The following NRXN1 variants were observed in gnomAD, a reference collection of about 807,000 sequenced individuals.
NRXN1 encodes the protein neurexin-1.
A neutral mutation model predicts 150.9 loss-of-function variants in NRXN1; 39 were observed. That is an observed-to-expected ratio of 0.26 (90% CI 0.20 to 0.34). The LOEUF is 0.34. NRXN1 is among the 10% of genes least tolerant of loss of function. The pLI, the probability that NRXN1 is intolerant of heterozygous loss-of-function variation, is 1.00. For missense variants in NRXN1, 1,815 were observed against 1,949.9 expected, an observed-to-expected ratio of 0.93 and a Z score of 1.30; for synonymous variants, 924 against 757.0, an observed-to-expected ratio of 1.22 and a Z score of -3.62.
At chr2:50,278,715 A>G (rs1356202870) in intron 17 of NRXN1, among the ~76,000 whole-genome samples, 1 of 152,168 alleles carries the variant, frequency 6.6e-6, no homozygotes, top group Non-Finnish European at 1.5e-5. Context: ...GAACCCCTTT[A>G]TGTCCAAAAC....
intron 5 of NRXN1, among the ~76,000 whole-genome samples, chr2:50,823,439 A>G (rs890657247): frequency 4.6e-5 from 7 of 152,166 alleles, no homozygotes; most frequent in Admixed American, 1.3e-4. Context: ...TGCTTTACAA[A>G]TAATGTCAAA....
At chr2:50,012,152 A>G (rs1685785789) in intron 21 of NRXN1, among the ~76,000 whole-genome samples, 3 of 152,132 alleles carry the variant, frequency 2.0e-5, no homozygotes, top group South Asian at 2.1e-4. Context: ...AGAATATTTC[A>G]TATTTAAACT....
chr2:51,002,495 G>C (rs2105103348), intron 2 of NRXN1, among the ~76,000 whole-genome samples: 1 of 151,996 alleles, frequency 6.6e-6, no homozygotes, highest in South Asian at 2.1e-4. Flanking sequence ...ATATAATAAT[G>C]AATTTGTTAA....
chr2:50,713,270 T>C (rs940592344), intron 5 of NRXN1, among the ~76,000 whole-genome samples: 2 of 150,978 alleles, frequency 1.3e-5, no homozygotes, highest in African/African-American at 4.9e-5. Context: ...GCCGAGATAG[T>C]ACCCCTACAC....
rs71404978 is a variant in NRXN1 at position 50,865,658 on chromosome 2, G to GTTTTTTTTTTTT, written c.832+56199_832+56210dup. On this transcript the variant is annotated intron_variant, in intron 5 of 22. Transcript: ENST00000401669. ...AGTAATTCCCAGTAAGCATTTGAAA[G>GTTTTTTTTTTTT]TTTTTTTTTTTTTTTTTTTTTTTTT... 3.5e-3 allele frequency among the ~76,000 whole-genome samples: 145 copies of GTTTTTTTTTTTT among 41,862 alleles called. 41 individuals carry two copies. The highest frequency in any genetic ancestry group is 4.5e-3 in the Non-Finnish European group (116 of 25,614). The allele number at this position is 41,862 out of a possible 152,430, so 27.5% of individuals were successfully genotyped here. A position where few individuals can be genotyped will look rare whatever the true frequency, so the allele number is the denominator to read the frequency against.
intron 5 of NRXN1, among the ~76,000 whole-genome samples, chr2:50,646,241 A>C (rs960632225): frequency 2.6e-5 from 4 of 151,928 alleles, no homozygotes; most frequent in African/African-American, 9.7e-5. Context: ...ACAAAACAAA[A>C]GGCCGCTATT....
intron 8 of NRXN1, among the ~76,000 whole-genome samples, chr2:50,561,560 T>TA (rs1558939637): frequency 6.6e-6 from 1 of 152,004 alleles, no homozygotes; most frequent in East Asian, 1.9e-4. Flanking sequence ...AATTTTGTGT[T>TA]AAAAAAGAAA....
At chr2:50,034,041 G>C (rs1035851481) in intron 21 of NRXN1, among the ~76,000 whole-genome samples, 1 of 151,636 alleles carries the variant, frequency 6.6e-6, no homozygotes, top group African/African-American at 2.4e-5. Flanking sequence ...TACACTGTTG[G>C]GGGGAGTGTA....
intron 5 of NRXN1, among the ~76,000 whole-genome samples, chr2:50,835,887 C>G (rs1436627015): frequency 6.6e-6 from 1 of 152,034 alleles, no homozygotes; most frequent in Non-Finnish European, 1.5e-5. Context: ...CTTTGCTGAG[C>G]CTCATTTTCT....
rs1457694492 is a variant in NRXN1 at position 49,919,009 on chromosome 2, T to C, written c.*2935A>G. 1 of 152,080 alleles carries C rather than the reference T, an allele frequency of 6.6e-6. No individual in the cohort carries two copies. Among genetic ancestry groups the C allele is most frequent in the East Asian group, 1.9e-4 (1 of 5,188 alleles). 9.4% of individuals were successfully genotyped at this position (152,080 alleles called of 1,614,324 possible). A position where few individuals can be genotyped will look rare whatever the true frequency, so the allele number is the denominator to read the frequency against. On this transcript the variant is annotated 3_prime_UTR_variant, in exon 23 of 23. Coordinates refer to ENST00000401669, the MANE Select transcript of NRXN1 (RefSeq NM_001330078.2). ...TTTGATACCCAATCACACAAAGCAC[T>C]AGAAGGGTAGGGTTATGTGGCCTTT...
intron 17 of NRXN1, among the ~76,000 whole-genome samples, chr2:50,237,171 T>C (rs1413516269): frequency 6.6e-6 from 1 of 152,108 alleles, no homozygotes. Flanking sequence ...CAGTTTTTAA[T>C]ACACTGATTC....
At chr2:50,731,737 T>C (rs1186008713) in intron 5 of NRXN1, among the ~76,000 whole-genome samples, 1 of 152,070 alleles carries the variant, frequency 6.6e-6, no homozygotes, top group Non-Finnish European at 1.5e-5. Context: ...GCAACAAAAT[T>C]AGAGAATTTT....
intron 17 of NRXN1, among the ~76,000 whole-genome samples, chr2:50,416,687 T>G (rs1027643056): frequency 1.3e-5 from 2 of 152,024 alleles, no homozygotes; most frequent in African/African-American, 4.8e-5. Context: ...AAACATGTCC[T>G]TCTTCACATG....
Position 50,927,059 on chromosome 2 carries a change from C to T in NRXN1, c.773-1104G>A, listed in dbSNP as rs190180760. Among the ~76,000 whole-genome samples, 917 of 151,960 alleles carry T rather than the reference C, an allele frequency of 6.0e-3. 33 individuals are homozygous for T. Among genetic ancestry groups the T allele is most frequent in the Admixed American group, 0.056 (850 of 15,212 alleles). On this transcript the variant is annotated intron_variant, in intron 2 of 22. Coordinates refer to ENST00000401669, the MANE Select transcript of NRXN1 (RefSeq NM_001330078.2). ...AAAAATGTTCTAATAGTAAACTCTACCCATGTTGACATTCTAGTCTCATCC... is the reference window on the plus strand; with the variant it reads ...AAAAATGTTCTAATAGTAAACTCTATCCATGTTGACATTCTAGTCTCATCC...
intron 5 of NRXN1, among the ~76,000 whole-genome samples, chr2:50,823,600 C>A (rs1474443877): frequency 2.0e-5 from 3 of 151,998 alleles, no homozygotes; most frequent in Non-Finnish European, 4.4e-5. Flanking sequence ...AATAAAAAGT[C>A]CTATTTTACC....
At chr2:51,030,745 T>A (rs1385207273) in intron 1 of NRXN1, among the ~76,000 whole-genome samples, 2 of 152,196 alleles carry the variant, frequency 1.3e-5, no homozygotes, top group African/African-American at 4.8e-5. Context: ...AAATAGCATA[T>A]TATTCAGTAT....
At chr2:50,995,856 C>T (rs926038201) in intron 2 of NRXN1, among the ~76,000 whole-genome samples, 2 of 152,052 alleles carry the variant, frequency 1.3e-5, no homozygotes, top group African/African-American at 4.8e-5. Flanking sequence ...TCCCTGCATG[C>T]TTTAATCTCC....
rs147324149 is a variant in NRXN1, at chr2:50,844,246, A to G, written c.832+77623T>C. On this transcript the variant is annotated intron_variant, in intron 5 of 22. Coordinates refer to ENST00000401669, the MANE Select transcript of NRXN1 (RefSeq NM_001330078.2). The stretch of plus-strand genomic sequence containing the variant: ...CTCACTAATCAAGTACTATGGCGTT[A>G]CAATCTTCCCGGACGTCACCTAAGT... Among the ~76,000 whole-genome samples, 277 of 152,312 alleles carry G rather than the reference A, an allele frequency of 1.8e-3. 3 individuals are homozygous for G. The highest frequency in any genetic ancestry group is 6.2e-3 in the African/African-American group (257 of 41,566).
At chr2:50,524,169 T>C (rs541430192) in intron 12 of NRXN1, among the ~76,000 whole-genome samples, 1 of 152,244 alleles carries the variant, frequency 6.6e-6, no homozygotes, top group African/African-American at 2.4e-5. Context: ...TTAAATCTAT[T>C]TTTATATGGA....
Sources: gnomAD v4.1 joint callset for allele counts (sites outside exome capture counted in the v4.1 genomes callset) on GRCh38, gnomAD v4.1.1 for gene constraint, MANE v1.5 for transcripts, NCBI Gene and HGNC (gene_info 2026-07-23, HGNC 2026-07-21) for gene names.